Variants in LHPP observed in about 807,000 individuals in gnomAD.
LHPP encodes hLHPP.
LHPP carries 24 observed loss-of-function variants against 30.3 expected under a neutral mutation model. That is an observed-to-expected ratio of 0.79 (90% confidence interval 0.57 to 1.11). LHPP has a LOEUF of 1.11. Among genes scored for constraint, LHPP ranks in the 50% most tolerant of loss-of-function variants. The pLI is 0.00. For synonymous variants in LHPP, 150 were observed against 157.1 expected, an observed-to-expected ratio of 0.95 and a Z score of 0.34; for missense variants, 356 against 367.2, an observed-to-expected ratio of 0.97 and a Z score of 0.25.
chr10:124,521,227 C>A (rs1443195991), intron 6 of LHPP, among the ~76,000 whole-genome samples: 1 of 152,226 alleles, frequency 6.6e-6, no homozygotes, highest in Non-Finnish European at 1.5e-5. Context: ...CAGCCTGGGG[C>A]CAGCACACAG....
At position 124,589,563 on chromosome 10, in the gene LHPP, A is replaced by T. The variant is rs77039325; in HGVS notation, c.717-23701A>T. Among the ~76,000 whole-genome samples the T allele has an allele frequency of 3.0e-4, 45 of 152,342 alleles. No individual in the cohort carries two copies. The East Asian group carries it at 6.9e-3, about 24-fold the overall frequency. ...AGCAGAATGAGCCGGGAGGAGCAGG[A>T]CTGTTGACACGAGAGCAGGGGTCAG... On this transcript the variant is annotated intron_variant, in intron 6 of 6. Coordinates refer to ENST00000368842, the MANE Select transcript of LHPP (RefSeq NM_022126.4).
chr10:124,566,951 G>A (rs866240920), intron 6 of LHPP, among the ~76,000 whole-genome samples: 14 of 152,152 alleles, frequency 9.2e-5, no homozygotes, highest in Admixed American at 5.9e-4. Flanking sequence ...CCCCACACCC[G>A]CTCCCATCCA....
At chr10:124,555,233 G>A (rs1227081037) in intron 6 of LHPP, among the ~76,000 whole-genome samples, 1 of 152,216 alleles carries the variant, frequency 6.6e-6, no homozygotes, top group African/African-American at 2.4e-5. Flanking sequence ...GCCCAGTAGT[G>A]GAGAACAGGC....
At position 124,600,333 on chromosome 10, in the gene LHPP, C is replaced by A. The variant is rs572889432; in HGVS notation, c.717-12931C>A. 1.4e-4 allele frequency among the ~76,000 whole-genome samples: 21 copies of A among 152,364 alleles called. No individual in the cohort carries two copies. The East Asian group carries it at 4.1e-3, about 29-fold the overall frequency. ...AGGCCCCTGCCCTGGGGCACTGGTG[C>A]CTGCTTCGCCAAAGGCACAGAGGGC... On this transcript the variant is annotated intron_variant, in intron 6 of 6. Coordinates refer to ENST00000368842, the MANE Select transcript of LHPP (RefSeq NM_022126.4).
chr10:124,609,738 G>C (rs1042806038), intron 6 of LHPP, among the ~76,000 whole-genome samples: 3 of 152,178 alleles, frequency 2.0e-5, no homozygotes, highest in Admixed American at 2.0e-4. Flanking sequence ...CTCTCTGTAA[G>C]TCAGTCCTGC....
rs527375434 is a variant in LHPP, at chr10:124,579,172, T to G, written c.717-34092T>G. Among the ~76,000 whole-genome samples, 85 of 152,304 alleles carry G rather than the reference T, an allele frequency of 5.6e-4. 2 individuals are homozygous for G. Among genetic ancestry groups the G allele is most frequent in the Non-Finnish European group, 1.2e-4 (8 of 68,022 alleles). On this transcript the variant is annotated intron_variant, in intron 6 of 6. Coordinates refer to ENST00000368842, the MANE Select transcript of LHPP (RefSeq NM_022126.4). ...CCCAGAGGAGCTTACGGACAGCCCC[T>G]CTTTAAGGAACATCTCCCGGGCCGA...
chr10:124,591,894 G>C (rs568282948), intron 6 of LHPP, among the ~76,000 whole-genome samples: 1 of 152,012 alleles, frequency 6.6e-6, no homozygotes, highest in Non-Finnish European at 1.5e-5. Context: ...TGGTTTTAAG[G>C]GCTCTGAGGA....
chr10:124,562,939 A>G (rs985909040), intron 6 of LHPP, among the ~76,000 whole-genome samples: 43 of 148,506 alleles, frequency 2.9e-4, no homozygotes, highest in African/African-American at 1.0e-3. Flanking sequence ...CCATCTAAAA[A>G]AAAAAAGAAA....
intron 6 of LHPP, among the ~76,000 whole-genome samples, chr10:124,566,014 C>T (rs924207253): frequency 6.6e-6 from 1 of 152,266 alleles, no homozygotes; most frequent in African/African-American, 2.4e-5. Context: ...GAGCCGTCGC[C>T]GTACCCCTGG....
rs149175859 is a variant in LHPP, at chr10:124,514,480, G to A, written c.625-2700G>A. Among the ~76,000 whole-genome samples, 620 of 152,294 alleles carry A rather than the reference G, an allele frequency of 4.1e-3. 1 individual carries two copies. Among genetic ancestry groups the A allele is most frequent in the Non-Finnish European group, 6.8e-3 (461 of 68,026 alleles). On this transcript the variant is annotated intron_variant, in intron 5 of 6. Transcript: ENST00000368842. ...CTGGGTACAGAATTCTAGATGGGCAGTTTTTTCTTTTACTGCTTAAAAGAC... is the reference window on the plus strand; with the variant it reads ...CTGGGTACAGAATTCTAGATGGGCAATTTTTTCTTTTACTGCTTAAAAGAC...
chr10:124,534,415 G>A (rs913985911), intron 6 of LHPP, among the ~76,000 whole-genome samples: 23 of 152,364 alleles, frequency 1.5e-4, no homozygotes, highest in African/African-American at 5.3e-4. Context: ...CCGGCACGTC[G>A]GAGGCCGAGG....
rs77125846 is a variant in LHPP, at chr10:124,567,345, G to A, written c.717-45919G>A. On this transcript the variant is annotated intron_variant, in intron 6 of 6. Coordinates refer to ENST00000368842, the MANE Select transcript of LHPP (RefSeq NM_022126.4). ...CAGGGAGCGAGTGCACGCCCGGGCC[G>A]ACCAGGGCTGCGGGCATCATATCCC... Among the ~76,000 whole-genome samples, 1,283 of 152,302 alleles carry A rather than the reference G, an allele frequency of 8.4e-3. 14 individuals carry two copies. Among genetic ancestry groups the A allele is most frequent in the African/African-American group, 0.03 (1,237 of 41,552 alleles).
intron 3 of LHPP, among the ~76,000 whole-genome samples, chr10:124,493,559 T>G (rs1953600368): frequency 6.6e-6 from 1 of 152,226 alleles, no homozygotes; most frequent in Non-Finnish European, 1.5e-5. Flanking sequence ...CTCAGAAAAT[T>G]AAGCTGTTTA....
chr10:124,613,026 A>G (rs1949221767), intron 6 of LHPP: 2 of 565,336 alleles, frequency 3.5e-6, no homozygotes, highest in African/African-American at 1.9e-5. Context: ...CAGGCTCCCC[A>G]GTGGGAGACA....
chr10:124,550,118 C>T (rs539404300), intron 6 of LHPP, among the ~76,000 whole-genome samples: 29 of 152,344 alleles, frequency 1.9e-4, no homozygotes, highest in African/African-American at 6.0e-4. Flanking sequence ...TGCAAATGGA[C>T]TTCTCTCCTT....
intron 1 of LHPP, among the ~76,000 whole-genome samples, chr10:124,474,094 G>A (rs1022205530): frequency 2.1e-5 from 3 of 145,672 alleles, no homozygotes; most frequent in Non-Finnish European, 4.5e-5. Flanking sequence ...TTTTGTTGTT[G>A]AAGGGTCAAA....
intron 6 of LHPP, chr10:124,554,211 G>T: frequency 3.0e-6 from 1 of 331,114 alleles, no homozygotes; most frequent in Non-Finnish European, 4.3e-6. Context: ...TTATTGACAG[G>T]GTCTTGCTCT....
intron 6 of LHPP, among the ~76,000 whole-genome samples, chr10:124,522,729 C>T (rs548267877): frequency 2.0e-5 from 3 of 149,618 alleles, no homozygotes; most frequent in Admixed American, 1.3e-4. Flanking sequence ...CCACGCCCCC[C>T]CCCAAGCACT....
At chr10:124,587,131 C>T (rs1338862080) in intron 6 of LHPP, among the ~76,000 whole-genome samples, 5 of 151,260 alleles carry the variant, frequency 3.3e-5, no homozygotes, top group Non-Finnish European at 7.4e-5. Context: ...TCCCGGGTTC[C>T]AGCGATTCTC....
Sources: allele counts gnomAD v4.1 joint callset (sites outside exome capture counted in the v4.1 genomes callset), GRCh38; gene constraint gnomAD v4.1.1; transcripts MANE v1.5; gene names NCBI Gene and HGNC (gene_info 2026-07-23, HGNC 2026-07-21).